The following IMMP2L variants were observed in gnomAD, a reference collection of about 807,000 sequenced individuals.
IMMP2L encodes inner mitochondrial membrane peptidase subunit 2.
In IMMP2L, 18 loss-of-function variants were observed where a neutral mutation model predicts 19.3. The ratio of observed to expected loss-of-function variants is 0.93; its 90% CI spans 0.64 to 1.38. IMMP2L has a LOEUF of 1.38. Among genes scored for constraint, IMMP2L ranks in the 40% most tolerant of loss-of-function variants. The probability of loss-of-function intolerance (pLI) is 0.00; values close to 1 mark genes in which losing one functional copy is unlikely to be tolerated. For synonymous variants in IMMP2L, 76 were observed against 73.0 expected, an observed-to-expected ratio of 1.04 and a Z score of -0.21; for missense variants, 233 against 218.2, an observed-to-expected ratio of 1.07 and a Z score of -0.43.
At chr7:111,364,902 G>T (rs1268092027) in intron 3 of IMMP2L, among the ~76,000 whole-genome samples, 2 of 150,896 alleles carry the variant, frequency 1.3e-5, no homozygotes, top group African/African-American at 4.9e-5. Context: ...CCCAGGAGGT[G>T]GAGGTTGCAG....
chr7:111,016,460 A>T (rs2129564788), intron 3 of IMMP2L, among the ~76,000 whole-genome samples: 2 of 133,898 alleles, frequency 1.5e-5, no homozygotes, highest in South Asian at 2.2e-4. Context: ...TAATAAATAT[A>T]TATATTTATG....
chr7:111,154,763 T>C (rs746742903), intron 3 of IMMP2L, among the ~76,000 whole-genome samples: 16 of 152,134 alleles, frequency 1.1e-4, no homozygotes, highest in Non-Finnish European at 1.9e-4. Context: ...GTTGTTATTG[T>C]TGTTTTTTGA....
chr7:111,422,081 A>G (rs958097538), intron 3 of IMMP2L, among the ~76,000 whole-genome samples: 2 of 151,706 alleles, frequency 1.3e-5, no homozygotes, highest in Admixed American at 6.6e-5. Flanking sequence ...CCATTGGTCT[A>G]TATCTCTGTT....
In IMMP2L at chr7:110,760,169, C is replaced by T. The variant is rs185224826; in HGVS notation, c.409-96448G>A. ...TGAGAATTCACTTGCTTTTGTGCCA[C>T]CTTGAGAATTCAGTCTCAATTCTCC... On this transcript the variant is annotated intron_variant, in intron 5 of 5. Coordinates refer to ENST00000405709, the MANE Select transcript of IMMP2L (RefSeq NM_032549.4). This position sits in a 1 kb window ranked among gnomAD's most constrained non-coding sequence, Gnocchi z 4.2. Among the ~76,000 whole-genome samples, 1 of 152,190 alleles carries T rather than the reference C, an allele frequency of 6.6e-6. No individual in the cohort carries two copies. The highest frequency in any genetic ancestry group is 6.6e-5 in the Admixed American group (1 of 15,240).
intron 3 of IMMP2L, among the ~76,000 whole-genome samples, chr7:111,279,426 A>C (rs1282559228): frequency 6.6e-6 from 1 of 152,172 alleles, no homozygotes; most frequent in Non-Finnish European, 1.5e-5. Context: ...TCCAAAGACA[A>C]GTCCGTTGAA....
At chr7:110,847,247 T>C (rs1805756408) in intron 5 of IMMP2L, among the ~76,000 whole-genome samples, 1 of 152,142 alleles carries the variant, frequency 6.6e-6, no homozygotes, top group South Asian at 2.1e-4. Context: ...CATAATACAT[T>C]GAAAAGGTTT....
intron 5 of IMMP2L, among the ~76,000 whole-genome samples, chr7:110,693,565 C>T (rs1464699623): frequency 1.3e-5 from 2 of 152,084 alleles, no homozygotes; most frequent in East Asian, 1.9e-4. Flanking sequence ...AGAGGACTGT[C>T]TTCCACCTGT....
chr7:111,095,841 T>G lies in IMMP2L; in HGVS notation c.240-132276A>C, dbSNP rs957446931. Among the ~76,000 whole-genome samples, 7 of 152,058 alleles carry G rather than the reference T, an allele frequency of 4.6e-5. No homozygotes were observed. In the South Asian group the frequency reaches 1.5e-3, roughly 32 times the overall value. On this transcript the variant is annotated intron_variant, in intron 3 of 5. Coordinates refer to ENST00000405709, the MANE Select transcript of IMMP2L (RefSeq NM_032549.4). ...TCAGGATCCATGCTTTGCTTATACA[T>G]CTCACTGGAAAACAATAAATATATT...
At chr7:110,971,424 T>C (rs1319652765) in intron 3 of IMMP2L, among the ~76,000 whole-genome samples, 2 of 152,076 alleles carry the variant, frequency 1.3e-5, no homozygotes, top group Admixed American at 1.3e-4. Flanking sequence ...GCATTGGGGA[T>C]TGTTAGTAAA....
intron 5 of IMMP2L, among the ~76,000 whole-genome samples, chr7:110,764,389 A>AAT (rs1249003236): frequency 6.6e-6 from 1 of 152,108 alleles, no homozygotes; most frequent in Non-Finnish European, 1.5e-5. Context: ...ATCATAAAGC[A>AAT]ATATATGAGT....
chr7:111,496,686 T>G (rs1009804451), intron 2 of IMMP2L, among the ~76,000 whole-genome samples: 1 of 152,320 alleles, frequency 6.6e-6, no homozygotes, highest in Admixed American at 6.5e-5. Flanking sequence ...ACTTTTAGAC[T>G]CTGGGACTTG....
intron 3 of IMMP2L, among the ~76,000 whole-genome samples, chr7:111,038,552 C>A (rs1322578236): frequency 1.3e-5 from 2 of 152,096 alleles, no homozygotes; most frequent in Non-Finnish European, 2.9e-5. Context: ...ATAACCTAGG[C>A]ACCAGCATCT....
intron 3 of IMMP2L, among the ~76,000 whole-genome samples, chr7:111,026,502 T>G (rs1294131488): frequency 1.3e-5 from 2 of 152,104 alleles, no homozygotes; most frequent in African/African-American, 4.8e-5. Context: ...CAATTTAGAT[T>G]AGATTATTGG....
chr7:111,242,290 C>T (rs1166550105), intron 3 of IMMP2L, among the ~76,000 whole-genome samples: 4 of 152,012 alleles, frequency 2.6e-5, no homozygotes. Context: ...AGAAGTATAT[C>T]AGCTAGGAGA....
At chr7:111,252,047 C>T (rs944212206) in intron 3 of IMMP2L, among the ~76,000 whole-genome samples, 1 of 151,568 alleles carries the variant, frequency 6.6e-6, no homozygotes, top group Non-Finnish European at 1.5e-5. Context: ...AAAAAAGAAA[C>T]AGATTTTGCT....
rs989088822 is a variant in IMMP2L, at chr7:110,870,639, G to C, written c.408+15954C>G. ...TCTTCCCTGAAGTGGGGAAAATAAA[G>C]AGCCAACCACACAAAGACCTAAAGG... On this transcript the variant is annotated intron_variant, in intron 5 of 5. Transcript: ENST00000405709. The surrounding 1 kb of genome is among the most constrained non-coding windows in gnomAD (Gnocchi z 4.2). Among the ~76,000 whole-genome samples, 2 of 152,090 alleles carry C rather than the reference G, an allele frequency of 1.3e-5. No individual in the cohort carries two copies. The highest frequency in any genetic ancestry group is 2.9e-5 in the Non-Finnish European group (2 of 68,016).
chr7:110,666,229 CT>C (rs1179945489), intron 5 of IMMP2L, among the ~76,000 whole-genome samples: 1 of 152,016 alleles, frequency 6.6e-6, no homozygotes, highest in African/African-American at 2.4e-5. Flanking sequence ...CCTGCTCCCC[CT>C]GAGATCAGAC....
intron 3 of IMMP2L, among the ~76,000 whole-genome samples, chr7:111,231,962 G>A (rs1173933389): frequency 6.6e-6 from 1 of 151,706 alleles, no homozygotes; most frequent in East Asian, 1.9e-4. Context: ...ATTCAAACTG[G>A]AAAACAGGAA....
intron 3 of IMMP2L, among the ~76,000 whole-genome samples, chr7:111,299,976 T>G (rs974305213): frequency 6.6e-6 from 1 of 152,184 alleles, no homozygotes; most frequent in Non-Finnish European, 1.5e-5. Context: ...AAAAGCTGGA[T>G]AGACCCTAGA....
Sources: allele counts gnomAD v4.1 joint callset (sites outside exome capture counted in the v4.1 genomes callset), GRCh38; gene constraint gnomAD v4.1.1; non-coding constraint Gnocchi (gnomAD v3.1); transcripts MANE v1.5; gene names NCBI Gene and HGNC (gene_info 2026-07-23, HGNC 2026-07-21).